The following FER1L6 variants were observed in gnomAD, a reference collection of about 807,000 sequenced individuals.
FER1L6 encodes the protein fer-1-like protein 6.
Under a neutral mutation model 219.2 loss-of-function variants are expected in FER1L6, and 177 were observed. The observed-to-expected ratio is 0.81, with a 90% CI of 0.71 to 0.91. The LOEUF (loss-of-function observed/expected upper bound fraction) is 0.91. FER1L6 is among the 40% of genes least tolerant of loss of function. The pLI is 0.00. For missense variants in FER1L6, 2,153 were observed against 2,259.9 expected (o/e 0.95, Z 0.96); for synonymous variants, 768 against 824.3 (o/e 0.93, Z 1.17).
intron 1 of FER1L6, among the ~76,000 whole-genome samples, chr8:123,870,113 A>G (rs1051141534): frequency 1.3e-5 from 2 of 152,232 alleles, no homozygotes; most frequent in African/African-American, 4.8e-5. Flanking sequence ...TCTAGTACAC[A>G]TCTATTAGAA....
rs117561389 is a variant in FER1L6 at position 123,978,657 on chromosome 8, G to C, written c.1063+1048G>C. Among the ~76,000 whole-genome samples the C allele has an allele frequency of 5.2e-3, 790 of 152,104 alleles. 1 individual carries two copies. Among genetic ancestry groups the C allele is most frequent in the Middle Eastern group, 0.01 (3 of 294 alleles). ...CATATAATCACACATACATATACAT[G>C]TATGTACAAATATATACATTAATAA... On this transcript the variant is annotated intron_variant, in intron 10 of 40. Transcript: ENST00000522917.
chr8:124,045,805 G>A lies in FER1L6; in HGVS notation c.2628G>A (p.Met876Ile), dbSNP rs1483272294. 6.2e-7 allele frequency: 1 copy of A among 1,614,116 alleles called. No homozygotes were observed. The highest frequency in any genetic ancestry group is 8.5e-7 in the Non-Finnish European group (1 of 1,179,998). ...CCCTCTCTCCGACCTGGAACCAGAT[G>A]CTGCTGTTCAATGATTTGGTGCTGC... ...SQTLSPTWNQ[M>I]LLFNDLVLHG... The change falls in exon 21 of 41, where the codon ATG becomes ATA. Residue 876 changes from methionine (M) to isoleucine (I), a missense_variant. Transcript: ENST00000522917.
chr8:123,986,307 C>G (rs1816583904), intron 12 of FER1L6, 131 bp downstream of exon 12: 5 of 593,768 alleles, frequency 8.4e-6, no homozygotes. Flanking sequence ...ATGAGATGAA[C>G]AATTCCTTGT....
At position 123,956,037 on chromosome 8, in the gene FER1L6, A is replaced by G; in HGVS notation, c.39A>G (p.Ala13=). The change falls in exon 2 of 41, where the codon GCA becomes GCG. Residue 13 remains alanine, a synonymous_variant. Transcript: ENST00000522917. The stretch of plus-strand genomic sequence containing the variant: ...AGGTGAAGAAGAAGAGAAATAAGGC[A>G]GAGAAGGGGTTAATCCTAGCCAACA... The part of the protein sequence containing the change: ...GLKVKKKRNK[A]EKGLILANKA... The G allele has an allele frequency of 6.2e-7, 1 of 1,612,364 alleles. No individual in the cohort carries two copies. Among genetic ancestry groups the G allele is most frequent in the East Asian group, 2.2e-5 (1 of 44,852 alleles).
Position 124,083,802 on chromosome 8 carries a change from A to G in FER1L6, c.4391+1344A>G, listed in dbSNP as rs542411063. 3.9e-5 allele frequency among the ~76,000 whole-genome samples: 6 copies of G among 152,182 alleles called. No individual in the cohort carries two copies. In the South Asian group the frequency reaches 8.3e-4, roughly 21 times the overall value. On this transcript the variant is annotated intron_variant, in intron 33 of 40. Coordinates refer to ENST00000522917, the MANE Select transcript of FER1L6 (RefSeq NM_001039112.2). ...ATGTAAGATTGTTTTTTCTATTTCT[A>G]TGAAGAATGTCATTGGTATTTTGAT...
At chr8:123,881,126 GT>G (rs1162642277) in intron 1 of FER1L6, among the ~76,000 whole-genome samples, 1 of 152,144 alleles carries the variant, frequency 6.6e-6, no homozygotes, top group African/African-American at 2.4e-5. Context: ...GTTTATTAGA[GT>G]TCAATGCTAA....
chr8:123,917,882 G>A (rs1813234737), intron 1 of FER1L6, among the ~76,000 whole-genome samples: 2 of 152,170 alleles, frequency 1.3e-5, no homozygotes, highest in Non-Finnish European at 2.9e-5. Context: ...CATTAAAATG[G>A]ACTACATTCT....
At position 124,073,091 on chromosome 8, in the gene FER1L6, A is replaced by C. The variant is rs112257166; in HGVS notation, c.4092+1460A>C. On this transcript the variant is annotated intron_variant, in intron 31 of 40. Coordinates refer to ENST00000522917, the MANE Select transcript of FER1L6 (RefSeq NM_001039112.2). ...CCTGCAGAAAATCTTACAGAGCTAT[A>C]GTTCTCTAAGATACAGTTTGGGGAA... Among the ~76,000 whole-genome samples the C allele has an allele frequency of 5.7e-3, 871 of 152,276 alleles. 17 individuals carry two copies. Among genetic ancestry groups the C allele is most frequent in the African/African-American group, 0.02 (825 of 41,546 alleles).
chr8:123,923,680 G>A (rs59381180), intron 1 of FER1L6, among the ~76,000 whole-genome samples: 67,607 of 151,838 alleles, frequency 0.45, 15,225 homozygotes, highest in South Asian at 0.52. Context: ...AAGCCCATGC[G>A]TTATTTTATT....
At position 124,118,946 on chromosome 8, in the gene FER1L6, T is replaced by A. The variant is rs1408542011; in HGVS notation, c.5390+2T>A. 3 of 1,610,126 alleles carry A rather than the reference T, an allele frequency of 1.9e-6. No homozygotes were observed. The highest frequency in any genetic ancestry group is 1.7e-6 in the Non-Finnish European group (2 of 1,178,234). On this transcript the variant is annotated splice_donor_variant, in intron 40 of 40. Transcript: ENST00000522917. LOFTEE classifies it high-confidence loss of function. ...GCCAGAGCCCCTGGCCAAGCCCAAG[T>A]GAGTGGAGTTGCTAGTGGGAACATC... is the stretch of plus-strand genomic sequence containing the variant.
intron 19 of FER1L6, 149 bp downstream of exon 19, chr8:124,035,603 T>C: frequency 1.4e-6 from 1 of 719,132 alleles, no homozygotes; most frequent in Non-Finnish European, 2.2e-6. Context: ...TTTCTAAGTG[T>C]TCTACCTTAC....
Position 124,035,443 on chromosome 8 carries a change from T to A in FER1L6, c.2453T>A (p.Leu818Gln). ...GGCACCAATCACCCCCCATCTAACC[T>A]GCTCTACCAAGGTAGGGTCCCCACT... ...GAGTNHPPSN[L>Q]LYQEQHVFQL... The change falls in exon 19 of 41, where the codon CTG becomes CAG. Residue 818 changes from leucine to glutamine, a missense_variant. By Grantham distance (113) the Leu-to-Gln change is moderately radical (BLOSUM62 -2). Coordinates refer to ENST00000522917, the MANE Select transcript of FER1L6 (RefSeq NM_001039112.2). 6.2e-7 allele frequency: 1 copy of A among 1,612,628 alleles called. No homozygotes were observed. The highest frequency in any genetic ancestry group is 8.5e-7 in the Non-Finnish European group (1 of 1,179,706).
intron 1 of FER1L6, among the ~76,000 whole-genome samples, chr8:123,916,425 T>A (rs1210315246): frequency 6.6e-6 from 1 of 152,224 alleles, no homozygotes; most frequent in Non-Finnish European, 1.5e-5. Context: ...TGTTGCCTCC[T>A]TCATTGCAAA....
At chr8:124,084,381 C>A (rs1821700883) in intron 33 of FER1L6, among the ~76,000 whole-genome samples, 2 of 151,956 alleles carry the variant, frequency 1.3e-5, no homozygotes, top group African/African-American at 4.8e-5. Flanking sequence ...TCAGTATGAT[C>A]CTAGCTGTGG....
rs1273843602 is a variant in FER1L6, at chr8:123,852,674, A to C, written c.-8+489A>C. On this transcript the variant is annotated intron_variant, in intron 1 of 40. Transcript: ENST00000522917. The surrounding 1 kb of genome is among the most constrained non-coding windows in gnomAD (Gnocchi z 4.9). ...AAACATAAATTTTTATTTTACAGAA[A>C]AGTTGCAAAGATAATTGAGTTCTCT... is the stretch of plus-strand genomic sequence containing the variant. 6.6e-6 allele frequency among the ~76,000 whole-genome samples: 1 copy of C among 152,172 alleles called. No individual in the cohort carries two copies. Among genetic ancestry groups the C allele is most frequent in the Non-Finnish European group, 1.5e-5 (1 of 68,038 alleles).
intron 9 of FER1L6, among the ~76,000 whole-genome samples, chr8:123,976,641 C>A (rs1015708244): frequency 6.6e-6 from 1 of 152,152 alleles, no homozygotes; most frequent in Non-Finnish European, 1.5e-5. Context: ...AGACAGGCAT[C>A]CTTCCTCACC....
At chr8:124,032,955 T>C (rs1206676710) in intron 18 of FER1L6, among the ~76,000 whole-genome samples, 2 of 152,220 alleles carry the variant, frequency 1.3e-5, no homozygotes. Context: ...TTTAACCAGA[T>C]GCCCTGGCAA....
intron 1 of FER1L6, among the ~76,000 whole-genome samples, chr8:123,952,167 A>G (rs963086650): frequency 1.3e-5 from 2 of 152,130 alleles, no homozygotes; most frequent in African/African-American, 4.8e-5. Context: ...AGCAGAACTA[A>G]CCTTATGGCC....
intron 39 of FER1L6, among the ~76,000 whole-genome samples, chr8:124,106,328 C>CAAAAA (rs71289636): frequency 5.6e-4 from 36 of 63,854 alleles, no homozygotes; most frequent in Admixed American, 8.8e-4. Context: ...GACTCTGTCT[C>CAAAAA]AAAAAAAAAA....
Sources: allele counts gnomAD v4.1 joint callset (sites outside exome capture counted in the v4.1 genomes callset), GRCh38; gene constraint gnomAD v4.1.1; non-coding constraint Gnocchi (gnomAD v3.1); transcripts MANE v1.5; gene names NCBI Gene and HGNC (gene_info 2026-07-23, HGNC 2026-07-21).